MYO15A: variants seen among roughly 807,000 people sequenced by gnomAD.
MYO15A encodes the protein unconventional myosin-XV.
A neutral mutation model predicts 394.6 loss-of-function variants in MYO15A; 308 were observed. The observed-to-expected ratio is 0.78, with a 90% CI of 0.71 to 0.86. The LOEUF (loss-of-function observed/expected upper bound fraction) is 0.86. Among genes scored for constraint, MYO15A ranks in the 40% least tolerant of loss-of-function variants. The pLI is 0.00. For missense variants in MYO15A, 4,606 were observed against 4,799.1 expected, an observed-to-expected ratio of 0.96 and a Z score of 1.19; for synonymous variants, 1,957 against 2,003.8, an observed-to-expected ratio of 0.98 and a Z score of 0.62.
chr17:18,167,592 C>T lies in MYO15A; in HGVS notation c.9951C>T (p.Val3317=), dbSNP rs780864387. 12 of 1,602,126 alleles carry T rather than the reference C, an allele frequency of 7.5e-6. No homozygotes were observed. In the East Asian group the frequency reaches 2.7e-4, roughly 36 times the overall value. ...ELYVTMHYNQ[V]LPDYLKGLFS... ...CCTCACCCAGGTGCTCCCTGCAGGT[C>T]CTGCCTGACTACCTGAAGGGACTCT... The change falls in exon 62 of 66, where the codon GTC becomes GTT. Residue 3317 remains valine (V), a splice_region_variant and synonymous_variant. Transcript: ENST00000647165.
rs1169055735 is a variant in MYO15A, at chr17:18,161,441, T to G, written c.9511T>G (p.Phe3171Val). ...QDVSRTPGLP[F>V]QGIAKACEQN... ...CGTGAGCCGGACCCCAGGCCTGCCC[T>G]TTCAGGGTGAGAGGTCAATGAGTGG... Residue 3171 changes from phenylalanine to valine, a missense_variant, in exon 57 of 66, where the codon TTT becomes GTT. Phe to Val is a conservative substitution (Grantham distance 50). Transcript: ENST00000647165. 6.2e-7 allele frequency: 1 copy of G among 1,613,728 alleles called. No homozygotes were observed. The highest frequency in any genetic ancestry group is 2.2e-5 in the East Asian group (1 of 44,870).
intron 1 of MYO15A, among the ~76,000 whole-genome samples, chr17:18,112,828 C>A (rs1333497238): frequency 2.0e-5 from 3 of 147,070 alleles, no homozygotes; most frequent in Non-Finnish European, 4.5e-5. Context: ...TCATTAATTT[C>A]TTATGTATCT....
chr17:18,126,049 C>T (rs934082683), intron 4 of MYO15A, among the ~76,000 whole-genome samples: 17 of 152,244 alleles, frequency 1.1e-4, no homozygotes, highest in African/African-American at 3.9e-4. Flanking sequence ...GCCAGAAGTT[C>T]CTGGAGCCTG....
chr17:18,136,713 C>T (rs761690696), intron 15 of MYO15A, 27 bp downstream of exon 15: 19 of 1,571,998 alleles, frequency 1.2e-5, no homozygotes, highest in East Asian at 2.3e-5. Context: ...GGCTGAGGGG[C>T]GGGGGACATA....
At chr17:18,169,970 CAAAAAAA>C (rs202026399) in intron 62 of MYO15A, among the ~76,000 whole-genome samples, 5 of 59,778 alleles carry the variant, frequency 8.4e-5, no homozygotes, top group Admixed American at 1.7e-4. Context: ...GACCCTGTCT[CAAAAAAA>C]AAAAAAAAAA....
At chr17:18,125,973 C>T (rs111942528) in intron 4 of MYO15A, among the ~76,000 whole-genome samples, 4 of 152,286 alleles carry the variant, frequency 2.6e-5, no homozygotes, top group African/African-American at 9.6e-5. Flanking sequence ...GGGCTCTGGC[C>T]ACATCAGGAT....
chr17:18,151,678 T>C, intron 40 of MYO15A, 151 bp downstream of exon 40: 2 of 1,212,162 alleles, frequency 1.6e-6, no homozygotes, highest in Non-Finnish European at 2.4e-6. Flanking sequence ...GAGGCCCTGC[T>C]GTTGTCTAGG....
In MYO15A at chr17:18,163,784, C is replaced by G; in HGVS notation, c.9733C>G (p.Leu3245Val). ...VVEEICAEMA[L>V]TRPEAFNEYV... The stretch of plus-strand genomic sequence containing the variant: ...GGAAGAGATATGTGCTGAGATGGCT[C>G]TGACACGCCCTGAGGCCTTCAATGA... The change falls in exon 60 of 66, where the codon CTG (leucine) becomes GTG (valine). Residue 3245 changes from leucine to valine, a missense_variant. Physicochemically the swap from Leu to Val is conservative, Grantham distance 32 (BLOSUM62 1). Around this residue, in one of 2 missense-constraint regions of MYO15A, gnomAD observed 2,776 missense variants for 3,109.3 expected, o/e 0.89. Transcript: ENST00000647165. 2 of 1,614,076 alleles carry G rather than the reference C, an allele frequency of 1.2e-6. No individual in the cohort carries two copies. The highest frequency in any genetic ancestry group is 1.7e-5 in the Admixed American group (1 of 60,018).
intron 1 of MYO15A, among the ~76,000 whole-genome samples, chr17:18,115,796 C>T (rs1049236296): frequency 6.6e-6 from 1 of 152,140 alleles, no homozygotes; most frequent in African/African-American, 2.4e-5. Flanking sequence ...GCCACCTGGC[C>T]TGTCTGCTCC....
chr17:18,143,600 C>T lies in MYO15A; in HGVS notation c.5945C>T (p.Ala1982Val), dbSNP rs973099931. 5 of 1,565,504 alleles carry T rather than the reference C, an allele frequency of 3.2e-6. No homozygotes were observed. Among genetic ancestry groups the T allele is most frequent in the South Asian group, 2.3e-5 (2 of 85,204 alleles). Residue 1982 changes from alanine (A) to valine (V), a missense_variant, in exon 26 of 66, where the codon GCG (alanine) becomes GTG (valine). This residue lies in a region of MYO15A where 2,776 missense variants were observed against 3,109.3 expected (regional missense o/e 0.89). Coordinates refer to ENST00000647165, the MANE Select transcript of MYO15A (RefSeq NM_016239.4). ...RAEWRCQVEG[A>V]LLWEQEELSK... ...GAGTGGAGGTGCCAGGTGGAGGGGG[C>T]GCTGCTGTGGGAGCAGGAGGTGGGT...
chr17:18,149,256 A>G lies in MYO15A; in HGVS notation c.6997A>G (p.Thr2333Ala). The G allele has an allele frequency of 1.2e-6, 2 of 1,614,022 alleles. No homozygotes were observed. The highest frequency in any genetic ancestry group is 1.7e-6 in the Non-Finnish European group (2 of 1,179,978). ...CTGGGACTCGGATGAGGACATGTCC[A>G]CTAGACCCCAGCCCCAGGAGCACAT... The part of the protein sequence containing the change: ...NSWDSDEDMS[T>A]RPQPQEHMPK... The change falls in exon 34 of 66, where the codon ACT becomes GCT. Residue 2333 changes from threonine (T) to alanine (A), a missense_variant. Thr to Ala is a moderately conservative substitution (Grantham distance 58). Coordinates refer to ENST00000647165, the MANE Select transcript of MYO15A (RefSeq NM_016239.4).
At chr17:18,126,034 C>T (rs1394379796) in intron 4 of MYO15A, among the ~76,000 whole-genome samples, 2 of 152,244 alleles carry the variant, frequency 1.3e-5, no homozygotes, top group South Asian at 2.1e-4. Flanking sequence ...TTGCCCTCAA[C>T]AGGAGCCAGA....
chr17:18,169,115 AAATAAT>A (rs368379543), intron 62 of MYO15A, among the ~76,000 whole-genome samples: 10,859 of 128,360 alleles, frequency 0.085, 517 homozygotes, highest in African/African-American at 0.13. Flanking sequence ...CTCCATCTCA[AAATAAT>A]AATAATAATA....
At position 18,121,238 on chromosome 17, in the gene MYO15A, C is replaced by G; in HGVS notation, c.2438C>G (p.Pro813Arg). The G allele has an allele frequency of 3.4e-6, 5 of 1,476,766 alleles. No individual in the cohort carries two copies. Among genetic ancestry groups the G allele is most frequent in the Non-Finnish European group, 3.6e-6 (4 of 1,118,386 alleles). The allele number at this position is 1,476,766 out of a possible 1,614,324, so 91.5% of individuals were successfully genotyped here. ...CCCTTCCAGCCGCCCTTCCTGCCCC[C>G]GGCCCGCCGGCCCCGCTCGCTGCAG... Reference protein sequence around the residue: ...TGPFQPPFLPPARRPRSLQES... With the variant: ...TGPFQPPFLPRARRPRSLQES... The change falls in exon 2 of 66, where the codon CCG (proline) becomes CGG (arginine). Residue 813 changes from proline to arginine, a missense_variant. Coordinates refer to ENST00000647165, the MANE Select transcript of MYO15A (RefSeq NM_016239.4). This position sits in a 1 kb window ranked among gnomAD's most constrained non-coding sequence, Gnocchi z 5.3.
intron 7 of MYO15A, among the ~76,000 whole-genome samples, chr17:18,127,399 G>A (rs984870947): frequency 9.9e-5 from 15 of 152,146 alleles, no homozygotes; most frequent in African/African-American, 3.1e-4. Flanking sequence ...CCAGCCCTCC[G>A]GGTCCAGTTC....
Position 18,118,569 on chromosome 17 carries a change from A to G in MYO15A, c.-219-13A>G. 3 of 600,118 alleles carry G rather than the reference A, an allele frequency of 5.0e-6. No homozygotes were observed. Among genetic ancestry groups the G allele is most frequent in the South Asian group, 4.0e-5 (2 of 49,906 alleles). 37.2% of individuals were successfully genotyped at this position (600,118 alleles called of 1,614,324 possible). On this transcript the variant is annotated splice_polypyrimidine_tract_variant and intron_variant, in intron 1 of 65. Coordinates refer to ENST00000647165, the MANE Select transcript of MYO15A (RefSeq NM_016239.4). ...GGTAAACAACACCCACACACTTTCT[A>G]CTACTGCTCTAGGGTGAAACCCAAG...
chr17:18,158,170 A>G (rs2046714137), intron 51 of MYO15A: 2 of 598,354 alleles, frequency 3.3e-6, no homozygotes, highest in Non-Finnish European at 2.9e-6. Flanking sequence ...GGGTCAGACC[A>G]GCCGGGGCCC....
chr17:18,121,411 A>T lies in MYO15A; in HGVS notation c.2611A>T (p.Thr871Ser), dbSNP rs1376682210. The change falls in exon 2 of 66, where the codon ACG becomes TCG. Residue 871 changes from threonine (T) to serine (S), a missense_variant. This residue lies in a region of MYO15A where 1,830 missense variants were observed against 1,689.7 expected (regional missense o/e 1.08). Coordinates refer to ENST00000647165, the MANE Select transcript of MYO15A (RefSeq NM_016239.4). This position sits in a 1 kb window ranked among gnomAD's most constrained non-coding sequence, Gnocchi z 5.3. Reference sequence around the variant, plus strand: ...GAATCTGCCCTCGCGCCTCCCGCACACGTGGCGGCGCCTCAGCGAGCCACC... The same window carrying T: ...GAATCTGCCCTCGCGCCTCCCGCACTCGTGGCGGCGCCTCAGCGAGCCACC... ...SLNLPSRLPH[T>S]WRRLSEPPTR... 4 of 1,540,814 alleles carry T rather than the reference A, an allele frequency of 2.6e-6. No individual in the cohort carries two copies. Among genetic ancestry groups the T allele is most frequent in the Non-Finnish European group, 3.5e-6 (4 of 1,145,532 alleles).
Position 18,149,487 on chromosome 17 carries a change from G to A in MYO15A, c.7119G>A (p.Glu2373=). ...EAQRGTATHQ[E]SDSLGEPAVP... ...ACATTTTTGTGCCTTCCCCTCCAGA[G>A]TCAGACAGTCTTGGAGAGCCTGCTG... The change falls in exon 35 of 66, where the codon GAG becomes GAA. Residue 2373 remains glutamate, a splice_region_variant and synonymous_variant. Coordinates refer to ENST00000647165, the MANE Select transcript of MYO15A (RefSeq NM_016239.4). The A allele has an allele frequency of 6.2e-7, 1 of 1,614,212 alleles. No individual in the cohort carries two copies. The highest frequency in any genetic ancestry group is 8.5e-7 in the Non-Finnish European group (1 of 1,180,026).
Sources: gnomAD v4.1 joint callset for allele counts (sites outside exome capture counted in the v4.1 genomes callset) on GRCh38, gnomAD v4.1.1 for gene constraint, gnomAD v4.1.1 regional missense constraint, Gnocchi (gnomAD v3.1) non-coding constraint, MANE v1.5 for transcripts, NCBI Gene and HGNC (gene_info 2026-07-23, HGNC 2026-07-21) for gene names.